The following CACNB2 variants were observed in gnomAD, a reference collection of about 807,000 sequenced individuals.
CACNB2 encodes calcium voltage-gated channel auxiliary subunit beta 2.
A neutral mutation model predicts 73.3 loss-of-function variants in CACNB2; 42 were observed. The ratio of observed to expected loss-of-function variants is 0.57; its 90% confidence interval spans 0.45 to 0.74. The LOEUF (loss-of-function observed/expected upper bound fraction) is 0.74. Among genes scored for constraint, CACNB2 ranks in the 30% least tolerant of loss-of-function variants. The pLI, the probability that CACNB2 is intolerant of heterozygous loss-of-function variation, is 0.00. For synonymous variants in CACNB2, 348 were observed against 310.3 expected (o/e 1.12, Z -1.28); for missense variants, 940 against 853.0 (o/e 1.10, Z -1.27).
intron 3 of CACNB2, among the ~76,000 whole-genome samples, chr10:18,430,154 T>C (rs560064163): frequency 6.7e-6 from 1 of 150,112 alleles, no homozygotes; most frequent in South Asian, 2.1e-4. Context: ...AGGGACATAT[T>C]ACCTAAAATA....
chr10:18,307,065 T>G (rs1337320660), intron 2 of CACNB2, among the ~76,000 whole-genome samples: 3 of 151,996 alleles, frequency 2.0e-5, no homozygotes, highest in African/African-American at 7.3e-5. Context: ...ATTTTGTATT[T>G]CACATCCTGA....
At chr10:18,153,292 T>A (rs2031759171) in intron 2 of CACNB2, among the ~76,000 whole-genome samples, 1 of 152,150 alleles carries the variant, frequency 6.6e-6, no homozygotes, top group Non-Finnish European at 1.5e-5. Flanking sequence ...GGGGTAATGA[T>A]TACACAGGCG....
At chr10:18,336,469 A>T (rs1248751524) in intron 2 of CACNB2, among the ~76,000 whole-genome samples, 1 of 152,164 alleles carries the variant, frequency 6.6e-6, no homozygotes, top group African/African-American at 2.4e-5. Flanking sequence ...AAGTACAAAA[A>T]TTAGCCAGGT....
intron 3 of CACNB2, among the ~76,000 whole-genome samples, chr10:18,467,144 ACT>A (rs1169312598): frequency 1.3e-5 from 2 of 152,152 alleles, no homozygotes; most frequent in Non-Finnish European, 2.9e-5. Flanking sequence ...ACAGAGCAAG[ACT>A]CTGTGTTTGT....
chr10:18,177,158 C>T (rs2033642213), intron 2 of CACNB2, among the ~76,000 whole-genome samples: 1 of 152,088 alleles, frequency 6.6e-6, no homozygotes, highest in Non-Finnish European at 1.5e-5. Flanking sequence ...CCCATCAAAT[C>T]ATGTGCATAT....
At chr10:18,534,791 G>C (rs557198476) in intron 11 of CACNB2, among the ~76,000 whole-genome samples, 1 of 152,202 alleles carries the variant, frequency 6.6e-6, no homozygotes, top group Non-Finnish European at 1.5e-5. Flanking sequence ...GACAAGCACT[G>C]GTTTGATTGA....
intron 2 of CACNB2, among the ~76,000 whole-genome samples, chr10:18,356,380 C>CCAA (rs1158610882): frequency 6.6e-6 from 1 of 152,172 alleles, no homozygotes; most frequent in Non-Finnish European, 1.5e-5. Context: ...CTCCAGCAAG[C>CCAA]CAACTTCTTT....
At chr10:18,474,723 T>G (rs2048352401) in intron 3 of CACNB2, among the ~76,000 whole-genome samples, 1 of 152,072 alleles carries the variant, frequency 6.6e-6, no homozygotes, top group Non-Finnish European at 1.5e-5. Context: ...CTGTTTCCTC[T>G]CTACTCTCCC....
chr10:18,400,061 G>C (rs1253359054), intron 2 of CACNB2, among the ~76,000 whole-genome samples: 1 of 152,200 alleles, frequency 6.6e-6, no homozygotes, highest in East Asian at 1.9e-4. Flanking sequence ...TAGTTTCTCA[G>C]TTGGAGAAGC....
Position 18,249,031 on chromosome 10 carries a change from C to T in CACNB2, c.213+98056C>T, listed in dbSNP as rs147240875. On this transcript the variant is annotated intron_variant, in intron 2 of 13. Transcript: ENST00000324631. ...CTGTTTTCCTGGCCAGTCCACTCAC[C>T]TACTCCTGAGAGGTCTCTTTCACAC... 5.3e-3 allele frequency among the ~76,000 whole-genome samples: 805 copies of T among 152,316 alleles called. 3 individuals are homozygous for T. The highest frequency in any genetic ancestry group is 9.5e-3 in the Non-Finnish European group (643 of 68,018).
At position 18,140,460 on chromosome 10, in the gene CACNB2, C is replaced by G. The variant is rs928559580; in HGVS notation, c.-277C>G. 3.3e-5 allele frequency among the ~76,000 whole-genome samples: 5 copies of G among 151,904 alleles called. No homozygotes were observed. Among genetic ancestry groups the G allele is most frequent in the Non-Finnish European group, 5.9e-5 (4 of 67,930 alleles). On this transcript the variant is annotated 5_prime_UTR_variant, in exon 1 of 14. Coordinates refer to ENST00000324631, the MANE Select transcript of CACNB2 (RefSeq NM_201596.3). Reference sequence around the variant, plus strand: ...CCCGCTCTCCCGGCCCCGGCTGCCCCGCTGAGGGCTCCCCTCTCCCAGGCA... The same window carrying G: ...CCCGCTCTCCCGGCCCCGGCTGCCCGGCTGAGGGCTCCCCTCTCCCAGGCA...
intron 12 of CACNB2, among the ~76,000 whole-genome samples, chr10:18,537,396 T>C (rs1441147550): frequency 6.6e-6 from 1 of 152,218 alleles, no homozygotes; most frequent in African/African-American, 2.4e-5. Context: ...AGTGGCATTA[T>C]TTTCTTCTCT....
At chr10:18,513,520 C>T (rs530665459) in intron 6 of CACNB2, 1 of 387,906 alleles carries the variant, frequency 2.6e-6, no homozygotes, top group South Asian at 2.1e-5. Context: ...TGAACCACCA[C>T]CGCACTGTAC....
chr10:18,347,539 T>C (rs2041515383), intron 2 of CACNB2, among the ~76,000 whole-genome samples: 1 of 143,576 alleles, frequency 7.0e-6, no homozygotes, highest in Admixed American at 7.3e-5. Flanking sequence ...TTTGAGCAAG[T>C]TGATTAACAT....
intron 2 of CACNB2, among the ~76,000 whole-genome samples, chr10:18,373,016 A>C (rs1366709450): frequency 6.6e-6 from 1 of 151,952 alleles, no homozygotes; most frequent in Non-Finnish European, 1.5e-5. Context: ...GAGTCTCACT[A>C]TGTTGCCCAG....
At chr10:18,209,746 T>C (rs1247469534) in intron 2 of CACNB2, among the ~76,000 whole-genome samples, 3 of 152,212 alleles carry the variant, frequency 2.0e-5, no homozygotes, top group South Asian at 2.1e-4. Flanking sequence ...TTTTTGACTT[T>C]AGAAATTAGT....
chr10:18,461,278 C>T (rs191975344), intron 3 of CACNB2, among the ~76,000 whole-genome samples: 190 of 152,294 alleles, frequency 1.2e-3, no homozygotes, highest in African/African-American at 4.2e-3. Context: ...CGATCCCTAT[C>T]CTCAAGGTGC....
chr10:18,328,236 C>G (rs186409563), intron 2 of CACNB2, among the ~76,000 whole-genome samples: 6 of 152,250 alleles, frequency 3.9e-5, no homozygotes, highest in Admixed American at 2.0e-4. Context: ...GCTACCTTGG[C>G]CACACATTAG....
intron 2 of CACNB2, among the ~76,000 whole-genome samples, chr10:18,186,355 G>A (rs1418133396): frequency 1.3e-5 from 2 of 152,010 alleles, no homozygotes; most frequent in African/African-American, 4.8e-5. Flanking sequence ...GGAGGCGGAG[G>A]CTGCGGTGAG....
Sources: allele counts gnomAD v4.1 joint callset (sites outside exome capture counted in the v4.1 genomes callset), GRCh38; gene constraint gnomAD v4.1.1; transcripts MANE v1.5; gene names NCBI Gene and HGNC (gene_info 2026-07-23, HGNC 2026-07-21).